The following HCN1 variants were observed in gnomAD, a reference collection of about 807,000 sequenced individuals.
HCN1 encodes potassium/sodium hyperpolarization-activated cyclic nucleotide-gated channel 1.
A neutral mutation model predicts 78.9 loss-of-function variants in HCN1; 13 were observed. That is an observed-to-expected ratio of 0.16 (90% CI 0.11 to 0.26). The LOEUF is 0.26. Among genes scored for constraint, HCN1 ranks in the 10% least tolerant of loss-of-function variants. The pLI is 1.00. For synonymous variants in HCN1, 552 were observed against 455.5 expected (o/e 1.21, Z -2.70); for missense variants, 810 against 1,154.3 (o/e 0.70, Z 4.32).
chr5:45,291,704 A>AT (rs1238778373), intron 6 of HCN1, among the ~76,000 whole-genome samples: 2 of 151,688 alleles, frequency 1.3e-5, no homozygotes, highest in East Asian at 3.9e-4. Flanking sequence ...CTACTTTCTG[A>AT]TTTTTTGTAG....
At chr5:45,463,891 T>C (rs1042867100) in intron 2 of HCN1, among the ~76,000 whole-genome samples, 12 of 152,078 alleles carry the variant, frequency 7.9e-5, no homozygotes, top group African/African-American at 2.9e-4. Context: ...TATAAACTTC[T>C]GGAAAAACCA....
intron 6 of HCN1, among the ~76,000 whole-genome samples, chr5:45,288,545 T>C (rs534803005): frequency 6.6e-6 from 1 of 152,036 alleles, no homozygotes; most frequent in Non-Finnish European, 1.5e-5. Context: ...TTAGGTCCTA[T>C]CTACGGAAAG....
chr5:45,465,381 G>C (rs972289531), intron 2 of HCN1, among the ~76,000 whole-genome samples: 6 of 152,200 alleles, frequency 3.9e-5, no homozygotes, highest in African/African-American at 1.2e-4. Flanking sequence ...AGAAAGAAAG[G>C]CTCTCTTCCC....
chr5:45,668,277 G>A (rs1192432098), intron 1 of HCN1, among the ~76,000 whole-genome samples: 1 of 151,834 alleles, frequency 6.6e-6, no homozygotes, highest in African/African-American at 2.4e-5. Context: ...TGTGGAAGGA[G>A]GGATTCGGTG....
chr5:45,351,173 CAG>C, intron 5 of HCN1, among the ~76,000 whole-genome samples: 2 of 152,164 alleles, frequency 1.3e-5, no homozygotes, highest in East Asian at 3.9e-4. Context: ...GATACCAAAA[CAG>C]AGATATAGAT....
intron 5 of HCN1, among the ~76,000 whole-genome samples, chr5:45,348,793 T>C (rs1342922540): frequency 6.6e-6 from 1 of 151,988 alleles, no homozygotes; most frequent in Non-Finnish European, 1.5e-5. Context: ...TACATAATGG[T>C]AAAGGGATCA....
At chr5:45,271,401 C>CACAG (rs1491448476) in intron 6 of HCN1, among the ~76,000 whole-genome samples, 21 of 145,290 alleles carry the variant, frequency 1.4e-4, no homozygotes, top group African/African-American at 4.8e-4. Context: ...CACACACACA[C>CACAG]AGACACAGTT....
At chr5:45,389,023 A>G (rs1445732764) in intron 4 of HCN1, among the ~76,000 whole-genome samples, 1 of 152,096 alleles carries the variant, frequency 6.6e-6, no homozygotes, top group Non-Finnish European at 1.5e-5. Flanking sequence ...TTTTTTAAAA[A>G]TGGCAAATCT....
At chr5:45,505,114 C>T (rs1045049698) in intron 2 of HCN1, among the ~76,000 whole-genome samples, 1 of 151,854 alleles carries the variant, frequency 6.6e-6, no homozygotes, top group African/African-American at 2.4e-5. Context: ...AATTAGATTC[C>T]GTTTGTCAAT....
intron 4 of HCN1, among the ~76,000 whole-genome samples, chr5:45,359,371 A>AT (rs1747067100): frequency 6.6e-6 from 1 of 150,438 alleles, no homozygotes; most frequent in South Asian, 2.1e-4. Flanking sequence ...AACACTGCCT[A>AT]TAAGAAGTTA....
intron 1 of HCN1, among the ~76,000 whole-genome samples, chr5:45,693,381 T>C (rs909643480): frequency 6.6e-6 from 1 of 152,160 alleles, no homozygotes; most frequent in Admixed American, 6.5e-5. Flanking sequence ...TTTTCAGATA[T>C]CTTTCAGTTT....
chr5:45,461,227 ATCT>A (rs1741148857), intron 3 of HCN1, among the ~76,000 whole-genome samples: 1 of 152,002 alleles, frequency 6.6e-6, no homozygotes, highest in African/African-American at 2.4e-5. Flanking sequence ...ATCAAAACAT[ATCT>A]TCTTAAAATT....
chr5:45,576,832 C>T (rs1325720709), intron 2 of HCN1, among the ~76,000 whole-genome samples: 2 of 151,872 alleles, frequency 1.3e-5, no homozygotes, highest in Non-Finnish European at 2.9e-5. Context: ...GGAGATAGGC[C>T]TTTTTGAACC....
chr5:45,347,985 C>T (rs1214400431), intron 5 of HCN1, among the ~76,000 whole-genome samples: 3 of 152,186 alleles, frequency 2.0e-5, no homozygotes, highest in African/African-American at 4.8e-5. Context: ...GCAAAGCAGG[C>T]CAACATTCAG....
intron 5 of HCN1, among the ~76,000 whole-genome samples, chr5:45,308,065 G>A (rs1479781263): frequency 6.6e-6 from 1 of 152,112 alleles, no homozygotes; most frequent in Non-Finnish European, 1.5e-5. Flanking sequence ...ATTTGGTGCT[G>A]TCCTTGAGTT....
At chr5:45,460,481 C>A (rs1732290387) in intron 3 of HCN1, among the ~76,000 whole-genome samples, 1 of 151,954 alleles carries the variant, frequency 6.6e-6, no homozygotes, top group Non-Finnish European at 1.5e-5. Flanking sequence ...CACCAAGACA[C>A]CACTGGAAAT....
intron 2 of HCN1, among the ~76,000 whole-genome samples, chr5:45,535,023 C>T (rs187466427): frequency 5.9e-5 from 9 of 152,308 alleles, no homozygotes; most frequent in Admixed American, 2.0e-4. Context: ...AAAACATCAG[C>T]ATTCTTCTCA....
intron 6 of HCN1, among the ~76,000 whole-genome samples, chr5:45,302,879 A>G (rs1476866937): frequency 1.3e-5 from 2 of 151,986 alleles, no homozygotes; most frequent in African/African-American, 4.8e-5. Flanking sequence ...TGCTGCCATC[A>G]TGTAAGAAGT....
chr5:45,307,250 C>G (rs573909774), intron 5 of HCN1, among the ~76,000 whole-genome samples: 1 of 152,194 alleles, frequency 6.6e-6, no homozygotes, highest in East Asian at 1.9e-4. Context: ...AATACATAAG[C>G]TTTCTGTTTA....
Sources: gnomAD v4.1 joint callset for allele counts (sites outside exome capture counted in the v4.1 genomes callset) on GRCh38, gnomAD v4.1.1 for gene constraint, MANE v1.5 for transcripts, NCBI Gene and HGNC (gene_info 2026-07-23, HGNC 2026-07-21) for gene names.